Variants in KALRN observed in about 807,000 individuals in gnomAD.
The protein encoded by KALRN is kalirin RhoGEF kinase.
A neutral mutation model predicts 353.7 loss-of-function variants in KALRN; 70 were observed. That is an observed-to-expected ratio of 0.20 (90% CI 0.16 to 0.24). The LOEUF (loss-of-function observed/expected upper bound fraction) is 0.24, where lower values mean the gene tolerates loss of function less well. KALRN is among the 10% of genes least tolerant of loss of function. The pLI is 1.00. For missense variants in KALRN, 2,791 were observed against 3,756.7 expected (o/e 0.74, Z 6.72); for synonymous variants, 1,391 against 1,434.8 (o/e 0.97, Z 0.69).
At position 124,146,874 on chromosome 3, in the gene KALRN, C is replaced by CAAAAAAAAAAAAAAAAAAAAAAAAA; in HGVS notation, c.74-81096_74-81095insAAAAAAAAAAAAAAAAAAAAAAAAA. 4.4e-3 allele frequency among the ~76,000 whole-genome samples: 218 copies of CAAAAAAAAAAAAAAAAAAAAAAAAA among 49,806 alleles called. 1 individual carries two copies. Among genetic ancestry groups the CAAAAAAAAAAAAAAAAAAAAAAAAA allele is most frequent in the Middle Eastern group, 0.033 (1 of 30 alleles). 32.7% of individuals were successfully genotyped at this position (49,806 alleles called of 152,430 possible). A position where few individuals can be genotyped will look rare whatever the true frequency, so the allele number is the denominator to read the frequency against. On this transcript the variant is annotated intron_variant, in intron 1 of 59. Coordinates refer to ENST00000682506, the MANE Select transcript of KALRN (RefSeq NM_001388419.1). ...CCTGGGCAATAGAGCGACTCTGTCT[C>CAAAAAAAAAAAAAAAAAAAAAAAAA]AAAAAAAAAAAAAAAAAAAAGAAAA...
intron 9 of KALRN, among the ~76,000 whole-genome samples, chr3:124,337,468 C>T (rs2081253925): frequency 6.6e-6 from 1 of 152,284 alleles, no homozygotes; most frequent in South Asian, 2.1e-4. Context: ...TATGTTGAAC[C>T]AGCCTTGCAT....
At position 124,313,260 on chromosome 3, in the gene KALRN, C is replaced by A. The variant is rs190401261; in HGVS notation, c.1093-12720C>A. 2.0e-5 allele frequency among the ~76,000 whole-genome samples: 3 copies of A among 152,268 alleles called. No individual in the cohort carries two copies. The East Asian group carries it at 5.8e-4, about 29-fold the overall frequency. On this transcript the variant is annotated intron_variant, in intron 6 of 59. Coordinates refer to ENST00000682506, the MANE Select transcript of KALRN (RefSeq NM_001388419.1). Reference sequence around the variant, plus strand: ...TCTCATCCTAAAGACAGAAGCAAAGCCACTAAAAAGCAAACCCCCACCCCC... The same window carrying A: ...TCTCATCCTAAAGACAGAAGCAAAGACACTAAAAAGCAAACCCCCACCCCC...
chr3:124,660,813 G>A, intron 43 of KALRN, 110 bp from the exon 44 acceptor site: 1 of 768,270 alleles, frequency 1.3e-6, no homozygotes, highest in Middle Eastern at 2.5e-4. Flanking sequence ...CACTTCTGCT[G>A]GGAAGGAAAG....
At chr3:124,063,919 A>G (rs1484474147) in intron 1 of KALRN, among the ~76,000 whole-genome samples, 2 of 152,220 alleles carry the variant, frequency 1.3e-5, no homozygotes, top group African/African-American at 4.8e-5. Context: ...TAGTTTGGTT[A>G]TCAAGTGAGC....
chr3:124,476,417 A>C (rs1182303909), intron 26 of KALRN, among the ~76,000 whole-genome samples: 1 of 151,976 alleles, frequency 6.6e-6, no homozygotes, highest in East Asian at 1.9e-4. Context: ...CAAATGAGTT[A>C]ATACATGTAA....
At chr3:124,159,717 G>C (rs1280441560) in intron 1 of KALRN, among the ~76,000 whole-genome samples, 1 of 152,120 alleles carries the variant, frequency 6.6e-6, no homozygotes, top group African/African-American at 2.4e-5. Flanking sequence ...CTCCAGTCCA[G>C]GGCAAAATGT....
At chr3:124,429,931 C>T (rs7631806) in intron 15 of KALRN, among the ~76,000 whole-genome samples, 7,931 of 152,206 alleles carry the variant, frequency 0.052, 695 homozygotes, top group African/African-American at 0.18. Context: ...AACCTGCCTA[C>T]TCTTGGTTAT....
At chr3:124,700,877 G>C (rs2062290970) in intron 56 of KALRN, among the ~76,000 whole-genome samples, 1 of 152,202 alleles carries the variant, frequency 6.6e-6, no homozygotes, top group African/African-American at 2.4e-5. Context: ...TCCAGTTCCA[G>C]TCCCACAGTC....
chr3:124,049,175 C>CA (rs34240982), intron 1 of KALRN, among the ~76,000 whole-genome samples: 1 of 152,082 alleles, frequency 6.6e-6, no homozygotes, highest in East Asian at 1.9e-4. Flanking sequence ...CTCAATTAGC[C>CA]AAAAAAGCCG....
At chr3:124,404,609 A>C (rs542847886) in intron 13 of KALRN, among the ~76,000 whole-genome samples, 1 of 146,264 alleles carries the variant, frequency 6.8e-6, no homozygotes, top group East Asian at 2.0e-4. Flanking sequence ...AAAAAAAAAA[A>C]CTTCAATGTC....
intron 37 of KALRN, among the ~76,000 whole-genome samples, chr3:124,644,932 C>T (rs980757938): frequency 6.6e-6 from 1 of 152,180 alleles, no homozygotes; most frequent in African/African-American, 2.4e-5. Flanking sequence ...AACTAATTTG[C>T]ACTCCCACCA....
intron 1 of KALRN, among the ~76,000 whole-genome samples, chr3:124,046,677 A>C (rs2040504438): frequency 6.6e-6 from 1 of 152,202 alleles, no homozygotes; most frequent in Non-Finnish European, 1.5e-5. Context: ...TAGGGTGAGG[A>C]TGAGGTGTGC....
At chr3:124,145,396 TAAAA>T (rs1402600577) in intron 1 of KALRN, among the ~76,000 whole-genome samples, 1 of 152,154 alleles carries the variant, frequency 6.6e-6, no homozygotes, top group African/African-American at 2.4e-5. Context: ...TCAATGACAT[TAAAA>T]AGTCTCTGGG....
chr3:124,275,249 G>A (rs886217600), intron 5 of KALRN, among the ~76,000 whole-genome samples: 1 of 152,144 alleles, frequency 6.6e-6, no homozygotes, highest in African/African-American at 2.4e-5. Context: ...CTGCAGAGTG[G>A]TTTAATAAAG....
At chr3:124,433,913 T>G (rs16835418) in intron 16 of KALRN, among the ~76,000 whole-genome samples, 12,187 of 152,282 alleles carry the variant, frequency 0.08, 610 homozygotes, top group East Asian at 0.19. Flanking sequence ...AAAATGGGAC[T>G]GCAGTAGTAA....
At chr3:124,394,593 T>C (rs1204274502) in intron 11 of KALRN, among the ~76,000 whole-genome samples, 1 of 152,222 alleles carries the variant, frequency 6.6e-6, no homozygotes, top group Non-Finnish European at 1.5e-5. Flanking sequence ...GCCACATCTT[T>C]AGCATTCAGC....
At chr3:124,587,357 G>C (rs897568987) in intron 34 of KALRN, among the ~76,000 whole-genome samples, 6 of 152,192 alleles carry the variant, frequency 3.9e-5, no homozygotes, top group Admixed American at 3.9e-4. Flanking sequence ...CCAAGGCAAG[G>C]GGACTTGACC....
chr3:124,423,603 T>A (rs1415855987), intron 15 of KALRN, among the ~76,000 whole-genome samples: 1 of 152,248 alleles, frequency 6.6e-6, no homozygotes, highest in East Asian at 1.9e-4. Flanking sequence ...AGGCCAGGCA[T>A]GGTGGTTCAT....
At chr3:124,508,494 A>G (rs866789554) in intron 33 of KALRN, among the ~76,000 whole-genome samples, 1 of 152,024 alleles carries the variant, frequency 6.6e-6, no homozygotes, top group African/African-American at 2.4e-5. Context: ...ATCGATGCTG[A>G]TGTGTATAGT....
Sources: gnomAD v4.1 joint callset for allele counts (sites outside exome capture counted in the v4.1 genomes callset) on GRCh38, gnomAD v4.1.1 for gene constraint, MANE v1.5 for transcripts, NCBI Gene and HGNC (gene_info 2026-07-23, HGNC 2026-07-21) for gene names.